Variants in ADAMTS18 observed in about 807,000 individuals in gnomAD.
The protein encoded by ADAMTS18 is ADAM metallopeptidase with thrombospondin type 1 motif 18.
In ADAMTS18, 157 loss-of-function variants were observed where a neutral mutation model predicts 165.9. The ratio of observed to expected loss-of-function variants is 0.95; its 90% CI spans 0.83 to 1.08. The LOEUF is 1.08. Ranked by LOEUF, ADAMTS18 falls within the 50% of genes least tolerant of loss-of-function variation. The pLI, the probability that ADAMTS18 is intolerant of heterozygous loss-of-function variation, is 0.00. For missense variants in ADAMTS18, 2,040 were observed against 1,534.0 expected, an observed-to-expected ratio of 1.33 and a Z score of -5.51; for synonymous variants, 782 against 578.2, an observed-to-expected ratio of 1.35 and a Z score of -5.06.
intron 7 of ADAMTS18, among the ~76,000 whole-genome samples, chr16:77,360,247 T>C (rs756774240): frequency 1.3e-5 from 2 of 152,232 alleles, no homozygotes; most frequent in African/African-American, 4.8e-5. Flanking sequence ...ACCATCGTCA[T>C]CGTCACTAAA....
chr16:77,285,084 T>C (rs1263473351), intron 22 of ADAMTS18, among the ~76,000 whole-genome samples: 2 of 151,012 alleles, frequency 1.3e-5, no homozygotes, highest in Non-Finnish European at 2.9e-5. Flanking sequence ...ACATCAAGAA[T>C]TCTTACTCAG....
rs1292074867 is a variant in ADAMTS18, at chr16:77,365,517, G to A, written c.779-1136C>T. Among the ~76,000 whole-genome samples, 3 of 152,294 alleles carry A rather than the reference G, an allele frequency of 2.0e-5. No homozygotes were observed. In the South Asian group the frequency reaches 6.2e-4, roughly 32 times the overall value. On this transcript the variant is annotated intron_variant, in intron 4 of 22. Transcript: ENST00000282849. ...TTATTAGGGAAACAGCATAGTTGGG[G>A]ATGATATTAAAAACTGTATTAAACA...
At chr16:77,358,973 G>T (rs113493159) in intron 8 of ADAMTS18, among the ~76,000 whole-genome samples, 7 of 152,090 alleles carry the variant, frequency 4.6e-5, no homozygotes, top group Admixed American at 3.9e-4. Flanking sequence ...TTATACTTTG[G>T]GAATTAATTT....
chr16:77,430,707 A>G (rs2057728134), intron 3 of ADAMTS18, among the ~76,000 whole-genome samples: 1 of 152,196 alleles, frequency 6.6e-6, no homozygotes, highest in African/African-American at 2.4e-5. Context: ...GGAGGAAATA[A>G]CACTGGTCCC....
chr16:77,424,271 C>A (rs964860559), intron 3 of ADAMTS18, among the ~76,000 whole-genome samples: 1 of 152,138 alleles, frequency 6.6e-6, no homozygotes, highest in Non-Finnish European at 1.5e-5. Context: ...GAGTTCAAGA[C>A]CAGCCTGACC....
chr16:77,374,553 A>T (rs2056922660), intron 3 of ADAMTS18, among the ~76,000 whole-genome samples: 1 of 152,146 alleles, frequency 6.6e-6, no homozygotes. Flanking sequence ...CCCTCACAGA[A>T]TAGAAGGAAA....
rs1331401019 is a variant in ADAMTS18, at chr16:77,282,904, C to CTTTTT, written c.*1051_*1052insAAAAA. Reference sequence around the variant, plus strand: ...TACCACTGTTTACTCCTTTCTTTCTCTCTTTTTTTTTTTTTTTTTTTTGCT... The same window carrying CTTTTT: ...TACCACTGTTTACTCCTTTCTTTCTCTTTTTTCTTTTTTTTTTTTTTTTTTTTGCT... On this transcript the variant is annotated 3_prime_UTR_variant, in exon 23 of 23. Coordinates refer to ENST00000282849, the MANE Select transcript of ADAMTS18 (RefSeq NM_199355.4). The CTTTTT allele has an allele frequency of 1.2e-3, 95 of 77,692 alleles. 1 individual carries two copies. Among genetic ancestry groups the CTTTTT allele is most frequent in the Middle Eastern group, 6.8e-3 (1 of 148 alleles). The allele number at this position is 77,692 out of a possible 1,614,324, so 4.8% of individuals were successfully genotyped here.
At chr16:77,356,627 C>T (rs1004177449) in intron 8 of ADAMTS18, among the ~76,000 whole-genome samples, 2 of 128,184 alleles carry the variant, frequency 1.6e-5, no homozygotes, top group African/African-American at 5.3e-5. Context: ...TTATAATAAA[C>T]ATTTTTTTAA....
intron 2 of ADAMTS18, among the ~76,000 whole-genome samples, chr16:77,433,106 G>A (rs1323225541): frequency 6.6e-6 from 1 of 152,102 alleles, no homozygotes; most frequent in Non-Finnish European, 1.5e-5. Flanking sequence ...TTAAAAATCT[G>A]ATACATTGCT....
chr16:77,348,584 G>A (rs2056511005), intron 10 of ADAMTS18, among the ~76,000 whole-genome samples: 1 of 152,224 alleles, frequency 6.6e-6, no homozygotes, highest in South Asian at 2.1e-4. Context: ...GATGAGAGAA[G>A]AGGCAGAGGG....
rs763667802 is a variant in ADAMTS18 at position 77,359,412 on chromosome 16, T to C, written c.1228A>G (p.Ile410Val). The C allele has an allele frequency of 7.4e-6, 12 of 1,613,694 alleles. No homozygotes were observed. The highest frequency in any genetic ancestry group is 3.4e-6 in the Non-Finnish European group (4 of 1,179,944). Reference sequence around the variant, plus strand: ...CGGTACTTAGAGCACATTCCACTGATGGGGGCAAACCCTATTGAAAGAGCA... The same window carrying C: ...CGGTACTTAGAGCACATTCCACTGACGGGGGCAAACCCTATTGAAAGAGCA... Reference protein sequence around the residue: ...EPCDTLGFAPISGMCSKYRSC... With the variant: ...EPCDTLGFAPVSGMCSKYRSC... The change falls in exon 8 of 23, where the codon ATC becomes GTC. Residue 410 changes from isoleucine (I) to valine (V), a missense_variant. Coordinates refer to ENST00000282849, the MANE Select transcript of ADAMTS18 (RefSeq NM_199355.4).
chr16:77,389,019 G>A (rs1351747026), intron 3 of ADAMTS18, among the ~76,000 whole-genome samples: 3 of 152,230 alleles, frequency 2.0e-5, no homozygotes, highest in Middle Eastern at 3.2e-3. Context: ...ACAAGAGTAG[G>A]CTGGGCACAG....
chr16:77,369,055 G>A (rs1216781728), intron 3 of ADAMTS18, among the ~76,000 whole-genome samples: 1 of 152,190 alleles, frequency 6.6e-6, no homozygotes, highest in Non-Finnish European at 1.5e-5. Flanking sequence ...AGTGTAATCT[G>A]CAGACTAGTA....
At chr16:77,410,821 C>G (rs1245248247) in intron 3 of ADAMTS18, among the ~76,000 whole-genome samples, 1 of 152,122 alleles carries the variant, frequency 6.6e-6, no homozygotes, top group Admixed American at 6.5e-5. Flanking sequence ...GCTGGGAACC[C>G]CTTCTAGCAC....
chr16:77,373,435 G>C (rs978259957), intron 3 of ADAMTS18, among the ~76,000 whole-genome samples: 2 of 151,118 alleles, frequency 1.3e-5, no homozygotes, highest in African/African-American at 4.9e-5. Flanking sequence ...CTCCAGCCTG[G>C]GCGGCAGGGC....
chr16:77,393,407 C>T (rs907960709), intron 3 of ADAMTS18, among the ~76,000 whole-genome samples: 5 of 152,176 alleles, frequency 3.3e-5, no homozygotes, highest in African/African-American at 4.8e-5. Context: ...GGACAGGGTT[C>T]TAAACCCTGA....
intron 12 of ADAMTS18, among the ~76,000 whole-genome samples, chr16:77,333,829 A>G (rs1354634766): frequency 6.8e-6 from 1 of 146,562 alleles, no homozygotes; most frequent in Admixed American, 7.0e-5. Context: ...TATTAATAGT[A>G]TATATTAATA....
At chr16:77,302,966 C>T (rs745840341) in intron 16 of ADAMTS18, among the ~76,000 whole-genome samples, 17 of 152,196 alleles carry the variant, frequency 1.1e-4, no homozygotes, top group Non-Finnish European at 2.1e-4. Flanking sequence ...CTTCCCCAGA[C>T]CTTCACTCAA....
In ADAMTS18 at chr16:77,289,016, C is replaced by G. The variant is rs145631509; in HGVS notation, c.3550+248G>C. Reference sequence around the variant, plus strand: ...AGGAGAATGGCATGAACCCGGGAGGCAGAGGTTACAGTGAGCTGTGTACTC... The same window carrying G: ...AGGAGAATGGCATGAACCCGGGAGGGAGAGGTTACAGTGAGCTGTGTACTC... On this transcript the variant is annotated intron_variant, in intron 22 of 22. Coordinates refer to ENST00000282849, the MANE Select transcript of ADAMTS18 (RefSeq NM_199355.4). 1.1e-4 allele frequency among the ~76,000 whole-genome samples: 16 copies of G among 152,262 alleles called. 1 individual carries two copies. The East Asian group carries it at 2.9e-3, about 28-fold the overall frequency.
Sources: gnomAD v4.1 joint callset for allele counts (sites outside exome capture counted in the v4.1 genomes callset) on GRCh38, gnomAD v4.1.1 for gene constraint, MANE v1.5 for transcripts, NCBI Gene and HGNC (gene_info 2026-07-23, HGNC 2026-07-21) for gene names.